The following FAM83B variants were observed in gnomAD, a reference collection of about 807,000 sequenced individuals.
FAM83B encodes the protein protein FAM83B.
Under a neutral mutation model 38.8 loss-of-function variants are expected in FAM83B, and 26 were observed. The ratio of observed to expected loss-of-function variants is 0.67; its 90% CI spans 0.49 to 0.93. The LOEUF is 0.93. Ranked by LOEUF, FAM83B falls within the 40% of genes least tolerant of loss-of-function variation. The probability of loss-of-function intolerance (pLI) is 0.00; values close to 1 mark genes in which losing one functional copy is unlikely to be tolerated. For missense variants in FAM83B, 1,237 were observed against 1,197.3 expected, an observed-to-expected ratio of 1.03 and a Z score of -0.49; for synonymous variants, 419 against 423.1, an observed-to-expected ratio of 0.99 and a Z score of 0.12.
intron 2 of FAM83B, among the ~76,000 whole-genome samples, chr6:54,898,748 T>C (rs2127581821): frequency 6.6e-6 from 1 of 152,320 alleles, no homozygotes; most frequent in South Asian, 2.1e-4. Context: ...TCAAGACCTG[T>C]TGATTCTATC....
At chr6:54,869,504 A>G (rs2127574948) in intron 1 of FAM83B, among the ~76,000 whole-genome samples, 1 of 151,478 alleles carries the variant, frequency 6.6e-6, no homozygotes, top group South Asian at 2.1e-4. Context: ...TTCTTCCTTC[A>G]TAATTAGTGA....
chr6:54,904,702 A>T (rs1286707898), intron 2 of FAM83B, among the ~76,000 whole-genome samples: 2 of 152,354 alleles, frequency 1.3e-5, no homozygotes, highest in South Asian at 4.1e-4. Context: ...TTAGTAGATG[A>T]CATTAGGACT....
intron 2 of FAM83B, among the ~76,000 whole-genome samples, chr6:54,888,256 A>T (rs2143798): frequency 0.49 from 74,819 of 151,350 alleles, 19,223 homozygotes; most frequent in East Asian, 0.85. Context: ...TATATGTTTT[A>T]TTTCCAAAAT....
At chr6:54,896,926 C>T (rs1772551553) in intron 2 of FAM83B, among the ~76,000 whole-genome samples, 1 of 152,098 alleles carries the variant, frequency 6.6e-6, no homozygotes, top group Non-Finnish European at 1.5e-5. Context: ...GAAAAATAAA[C>T]ATAATTGAAT....
In FAM83B at chr6:54,941,810, A is replaced by C; in HGVS notation, c.2839A>C (p.Ile947Leu). 6.2e-7 allele frequency: 1 copy of C among 1,614,122 alleles called. No individual in the cohort carries two copies. The highest frequency in any genetic ancestry group is 8.5e-7 in the Non-Finnish European group (1 of 1,180,006). ...FEPFCKIESS[I>L]QPTSNMPNTS... is the part of the protein sequence containing the mutation. ...GCCGTTTTGTAAGATTGAGAGCTCT[A>C]TTCAGCCAACAAGCAACATGCCAAA... The change falls in exon 5 of 5, where the codon ATT (isoleucine) becomes CTT (leucine). Residue 947 changes from isoleucine to leucine, a missense_variant. Physicochemically the swap from Ile to Leu is conservative, Grantham distance 5. Transcript: ENST00000306858.
intron 1 of FAM83B, 86 bp downstream of exon 1, chr6:54,846,912 G>GGGA (rs1771149908): frequency 6.7e-6 from 1 of 150,272 alleles, no homozygotes; most frequent in African/African-American, 2.4e-5. Context: ...GGGTACTGGG[G>GGGA]GGGCCCGGGG....
intron 2 of FAM83B, among the ~76,000 whole-genome samples, chr6:54,883,470 G>A (rs1436384014): frequency 6.6e-6 from 1 of 151,610 alleles, no homozygotes; most frequent in Non-Finnish European, 1.5e-5. Flanking sequence ...GAGTAGCTGG[G>A]ATTACAGGCA....
chr6:54,884,831 G>T (rs1394112312), intron 2 of FAM83B, among the ~76,000 whole-genome samples: 1 of 150,468 alleles, frequency 6.6e-6, no homozygotes, highest in East Asian at 2.0e-4. Flanking sequence ...GGAGTGCAGT[G>T]GTGAGATCTG....
Position 54,941,692 on chromosome 6 carries a change from C to G in FAM83B, c.2721C>G (p.Thr907=). The change falls in exon 5 of 5, where the codon ACC becomes ACG. Residue 907 remains threonine, a synonymous_variant. Coordinates refer to ENST00000306858, the MANE Select transcript of FAM83B (RefSeq NM_001010872.3). ...RDSREINAVV[T]PERRPTSSPR... ...CAAGGGAGATTAATGCAGTTGTTACCCCTGAAAGAAGACCTACTTCTTCTC... is the reference window on the plus strand; with the variant it reads ...CAAGGGAGATTAATGCAGTTGTTACGCCTGAAAGAAGACCTACTTCTTCTC... 1 of 1,614,026 alleles carries G rather than the reference C, an allele frequency of 6.2e-7. No individual in the cohort carries two copies. The highest frequency in any genetic ancestry group is 1.1e-5 in the South Asian group (1 of 91,072).
Position 54,919,388 on chromosome 6 carries a change from C to A in FAM83B, c.445-6983C>A, listed in dbSNP as rs202155224. ...GTGGAAAATAATGTATGCAGATTCCCTTCTGAGTTGCCATACACTAGTATT... is the reference window on the plus strand; with the variant it reads ...GTGGAAAATAATGTATGCAGATTCCATTCTGAGTTGCCATACACTAGTATT... On this transcript the variant is annotated intron_variant, in intron 2 of 4. Coordinates refer to ENST00000306858, the MANE Select transcript of FAM83B (RefSeq NM_001010872.3). Among the ~76,000 whole-genome samples the A allele has an allele frequency of 2.4e-4, 37 of 152,148 alleles. No individual in the cohort carries two copies. The East Asian group carries it at 5.2e-3, about 21-fold the overall frequency.
intron 1 of FAM83B, among the ~76,000 whole-genome samples, chr6:54,864,983 C>G (rs1019464258): frequency 8.5e-5 from 13 of 152,116 alleles, no homozygotes; most frequent in Non-Finnish European, 1.5e-5. Flanking sequence ...ACTAGTTTAA[C>G]TATATCATTT....
chr6:54,913,893 CT>C (rs200872130), intron 2 of FAM83B, among the ~76,000 whole-genome samples: 7,801 of 142,502 alleles, frequency 0.055, 211 homozygotes, highest in African/African-American at 0.061. Context: ...ATGTGATTGT[CT>C]TTTTTTTTTA....
intron 2 of FAM83B, among the ~76,000 whole-genome samples, chr6:54,909,347 A>C (rs1196930821): frequency 6.6e-6 from 1 of 152,204 alleles, no homozygotes; most frequent in Non-Finnish European, 1.5e-5. Flanking sequence ...GGAATGCTGT[A>C]GATTCCAGAT....
chr6:54,855,613 C>T (rs995760177), intron 1 of FAM83B, among the ~76,000 whole-genome samples: 1 of 152,070 alleles, frequency 6.6e-6, no homozygotes, highest in Non-Finnish European at 1.5e-5. Flanking sequence ...TGGCTTTACT[C>T]CCATTTAGCA....
rs1290325534 is a variant in FAM83B at position 54,851,848 on chromosome 6, C to T, written c.-61+5022C>T. Reference sequence around the variant, plus strand: ...ATTTTTAGTAGAGACGGGGTTTCACCGTTTTAGCCGGGATGGTCTCGATCT... The same window carrying T: ...ATTTTTAGTAGAGACGGGGTTTCACTGTTTTAGCCGGGATGGTCTCGATCT... On this transcript the variant is annotated intron_variant, in intron 1 of 4. Transcript: ENST00000306858. 5.3e-5 allele frequency among the ~76,000 whole-genome samples: 8 copies of T among 151,712 alleles called. No homozygotes were observed. In the East Asian group the frequency reaches 5.8e-4, roughly 11 times the overall value.
intron 2 of FAM83B, among the ~76,000 whole-genome samples, chr6:54,907,587 G>A (rs1168609492): frequency 6.8e-6 from 1 of 147,132 alleles, no homozygotes; most frequent in East Asian, 2.1e-4. Flanking sequence ...GGAAGTAGAA[G>A]AGAGGTTTTG....
intron 3 of FAM83B, among the ~76,000 whole-genome samples, chr6:54,926,924 G>A (rs763190313): frequency 5.4e-4 from 82 of 151,982 alleles, no homozygotes; most frequent in Non-Finnish European, 1.0e-3. Context: ...TAGTAGAGAC[G>A]GGGTTTCACC....
At chr6:54,909,690 C>A (rs1319538298) in intron 2 of FAM83B, among the ~76,000 whole-genome samples, 1 of 151,886 alleles carries the variant, frequency 6.6e-6, no homozygotes, top group Admixed American at 6.6e-5. Flanking sequence ...ACTTATTGCC[C>A]CCAAGAAAGT....
At chr6:54,938,727 CTTGCTGATTTGAGTTCCTTGTGGA>C (rs1773581349) in intron 4 of FAM83B, among the ~76,000 whole-genome samples, 2 of 151,694 alleles carry the variant, frequency 1.3e-5, no homozygotes, top group South Asian at 4.1e-4. Flanking sequence ...TTGTTTTTTT[CTTGCTGATTTGAGTTCCTTGTGGA>C]TTCTGGATAT....
Sources: allele counts gnomAD v4.1 joint callset (sites outside exome capture counted in the v4.1 genomes callset), GRCh38; gene constraint gnomAD v4.1.1; transcripts MANE v1.5; gene names NCBI Gene and HGNC (gene_info 2026-07-23, HGNC 2026-07-21).